BCL7B: variants seen among roughly 807,000 people sequenced by gnomAD.
BCL7B encodes the protein BAF chromatin remodeling complex subunit BCL7B.
BCL7B carries 11 observed loss-of-function variants against 26.5 expected under a neutral mutation model. That is an observed-to-expected ratio of 0.42 (90% CI 0.26 to 0.69). BCL7B has a LOEUF of 0.69. BCL7B is among the 30% of genes least tolerant of loss of function. The probability of loss-of-function intolerance (pLI) is 0.28; values close to 1 mark genes in which losing one functional copy is unlikely to be tolerated. For missense variants in BCL7B, 215 were observed against 264.4 expected (o/e 0.81, Z 1.30); for synonymous variants, 111 against 107.9 (o/e 1.03, Z -0.18).
intron 1 of BCL7B, chr7:73,557,100 G>A (rs1417930814): frequency 1.9e-5 from 19 of 992,130 alleles, no homozygotes; most frequent in South Asian, 4.7e-5. Context: ...CCACTCCAGG[G>A]CTACTCGCTA....
intron 1 of BCL7B, among the ~76,000 whole-genome samples, chr7:73,555,942 A>G (rs2115836896): frequency 6.6e-6 from 1 of 152,242 alleles, no homozygotes; most frequent in South Asian, 2.1e-4. Context: ...ACTCAGTGCA[A>G]ATGAACAGAC....
intron 2 of BCL7B, among the ~76,000 whole-genome samples, chr7:73,547,641 G>C (rs1792003512): frequency 6.6e-6 from 1 of 152,146 alleles, no homozygotes; most frequent in Admixed American, 6.5e-5. Context: ...TAGCTTCAAA[G>C]TGCTGAAAGA....
chr7:73,539,852 G>C (rs1563422735), intron 4 of BCL7B, 30 bp downstream of exon 4: 2 of 1,604,504 alleles, frequency 1.2e-6, no homozygotes, highest in African/African-American at 1.3e-5. Flanking sequence ...GCCCTTCTAG[G>C]AAACTCATCC....
chr7:73,557,357 T>C (rs1792409591), intron 1 of BCL7B, 130 bp downstream of exon 1: 1 of 1,176,926 alleles, frequency 8.5e-7, no homozygotes, highest in Non-Finnish European at 1.1e-6. Flanking sequence ...AGCGGCGCCC[T>C]CCTCCCGCCT....
chr7:73,538,397 A>G (rs1791622368), intron 4 of BCL7B, among the ~76,000 whole-genome samples: 1 of 152,174 alleles, frequency 6.6e-6, no homozygotes, highest in African/African-American at 2.4e-5. Context: ...AACACAATAA[A>G]TATTAACTAC....
chr7:73,544,834 G>A (rs1237810468), intron 2 of BCL7B, among the ~76,000 whole-genome samples: 1 of 151,994 alleles, frequency 6.6e-6, no homozygotes, highest in Non-Finnish European at 1.5e-5. Context: ...GGAGGTGGGA[G>A]GATCCCTTGA....
At position 73,537,348 on chromosome 7, in the gene BCL7B, G is replaced by T. The variant is rs782819772; in HGVS notation, c.559C>A (p.Arg187Ser). ...ACTGTGGGTTGGTCCACACAGAAGC[G>T]CTTCAGGGGCGGGGCACCTGAGTCT... is the stretch of plus-strand genomic sequence containing the variant. ...EEDSGAPPLK[R>S]FCVDQPTVPQ... Residue 187 changes from arginine (R) to serine (S), a missense_variant, in exon 6 of 6, where the codon CGC becomes AGC. By Grantham distance (110) the Arg-to-Ser change is moderately radical. Coordinates refer to ENST00000223368, the MANE Select transcript of BCL7B (RefSeq NM_001707.4). 6.2e-7 allele frequency: 1 copy of T among 1,614,158 alleles called. No homozygotes were observed. Among genetic ancestry groups the T allele is most frequent in the Admixed American group, 1.7e-5 (1 of 60,014 alleles).
rs908589255 is a variant in BCL7B at position 73,548,043 on chromosome 7, A to G, written c.168+4124T>C. 2.0e-5 allele frequency among the ~76,000 whole-genome samples: 3 copies of G among 152,256 alleles called. No homozygotes were observed. In the South Asian group the frequency reaches 6.2e-4, roughly 32 times the overall value. On this transcript the variant is annotated intron_variant, in intron 2 of 5. Transcript: ENST00000223368. ...CTAGGCACCAGAACTGCTTGCACCC[A>G]GGAGGCGGAGGCTGCAGTGAGCCAA... is the stretch of plus-strand genomic sequence containing the variant.
At chr7:73,556,369 TCTCA>T (rs1320069427) in intron 1 of BCL7B, among the ~76,000 whole-genome samples, 1 of 152,016 alleles carries the variant, frequency 6.6e-6, no homozygotes, top group Non-Finnish European at 1.5e-5. Flanking sequence ...AGAGACGGGG[TCTCA>T]CTATGTTGCC....
chr7:73,543,878 G>T (rs1791862265), intron 2 of BCL7B: 1 of 467,630 alleles, frequency 2.1e-6, no homozygotes, highest in Non-Finnish European at 3.9e-6. Flanking sequence ...ATAAGCAACA[G>T]GCAGATACAT....
At chr7:73,555,866 C>T (rs1244773107) in intron 1 of BCL7B, among the ~76,000 whole-genome samples, 6 of 152,160 alleles carry the variant, frequency 3.9e-5, no homozygotes, top group African/African-American at 9.7e-5. Context: ...CCACCACAGC[C>T]TTCCAAATAA....
intron 2 of BCL7B, among the ~76,000 whole-genome samples, chr7:73,546,049 G>A (rs1357990723): frequency 8.6e-5 from 13 of 150,610 alleles, no homozygotes; most frequent in African/African-American, 2.2e-4. Flanking sequence ...GGAGAATGGC[G>A]TGAACCCAGG....
At chr7:73,546,619 G>C (rs1554583506) in intron 2 of BCL7B, among the ~76,000 whole-genome samples, 1 of 151,330 alleles carries the variant, frequency 6.6e-6, no homozygotes, top group Non-Finnish European at 1.5e-5. Flanking sequence ...AGTGAGATGA[G>C]ATCATGCCAC....
At chr7:73,557,340 C>G in intron 1 of BCL7B, 147 bp downstream of exon 1, 1 of 1,178,422 alleles carries the variant, frequency 8.5e-7, no homozygotes, top group Non-Finnish European at 1.1e-6. Context: ...GACCTCACGC[C>G]GACGCCAGCG....
intron 1 of BCL7B, 62 bp downstream of exon 1, chr7:73,557,425 C>A: frequency 8.1e-7 from 1 of 1,232,948 alleles, no homozygotes; most frequent in Non-Finnish European, 1.0e-6. Context: ...ACCCGCCAGT[C>A]CCACGCTCCT....
At chr7:73,543,280 G>A (rs868932228) in intron 3 of BCL7B, among the ~76,000 whole-genome samples, 1 of 151,614 alleles carries the variant, frequency 6.6e-6, no homozygotes, top group Non-Finnish European at 1.5e-5. Flanking sequence ...GGGTTTAAGC[G>A]ATTCTCCTGT....
chr7:73,557,225 G>A (rs925737438), intron 1 of BCL7B: 2 of 1,070,488 alleles, frequency 1.9e-6, no homozygotes, highest in Non-Finnish European at 2.3e-6. Context: ...AGTCCGGGCC[G>A]GAAGCCGGAA....
chr7:73,539,815 CG>C, intron 4 of BCL7B, 66 bp downstream of exon 4: 1 of 1,567,946 alleles, frequency 6.4e-7, no homozygotes, highest in Non-Finnish European at 8.6e-7. Context: ...ACTCTAAAGA[CG>C]AGACACAACA....
chr7:73,547,368 C>T (rs1355731881), intron 2 of BCL7B, among the ~76,000 whole-genome samples: 1 of 152,094 alleles, frequency 6.6e-6, no homozygotes, highest in African/African-American at 2.4e-5. Context: ...GAGGTGGAGA[C>T]ATAACTATTT....
Sources: gnomAD v4.1 joint callset for allele counts (sites outside exome capture counted in the v4.1 genomes callset) on GRCh38, gnomAD v4.1.1 for gene constraint, MANE v1.5 for transcripts, NCBI Gene and HGNC (gene_info 2026-07-23, HGNC 2026-07-21) for gene names.